Variants in NEBL observed in about 807,000 individuals in gnomAD.
NEBL encodes the protein nebulette.
Under a neutral mutation model 140.2 loss-of-function variants are expected in NEBL, and 122 were observed. That is an observed-to-expected ratio of 0.87 (90% CI 0.75 to 1.01). The LOEUF (loss-of-function observed/expected upper bound fraction) is 1.01. Ranked by LOEUF, NEBL falls within the 50% of genes least tolerant of loss-of-function variation. The pLI, the probability that NEBL is intolerant of heterozygous loss-of-function variation, is 0.00. For missense variants in NEBL, 1,365 were observed against 1,231.3 expected (o/e 1.11, Z -1.62); for synonymous variants, 436 against 398.9 (o/e 1.09, Z -1.11).
At chr10:21,107,518 C>T (rs969576225) in intron 2 of NEBL, among the ~76,000 whole-genome samples, 2 of 152,100 alleles carry the variant, frequency 1.3e-5, no homozygotes, top group African/African-American at 4.8e-5. Flanking sequence ...GGGATGAAGC[C>T]GACTTGATCA....
At chr10:20,786,431 A>C (rs1835414579) in intron 27 of NEBL, among the ~76,000 whole-genome samples, 2 of 152,204 alleles carry the variant, frequency 1.3e-5, no homozygotes, top group Admixed American at 1.3e-4. Context: ...GAAATTTAGC[A>C]TATAAGTGTC....
At chr10:21,041,922 AGCATTCTAAT>A (rs2131832493) in intron 2 of NEBL, among the ~76,000 whole-genome samples, 1 of 152,322 alleles carries the variant, frequency 6.6e-6, no homozygotes, top group Non-Finnish European at 1.5e-5. Flanking sequence ...AGTGTCTTTT[AGCATTCTAAT>A]GCATTATAAT....
chr10:20,852,524 A>T (rs765774768), intron 10 of NEBL, 21 bp downstream of exon 10: 1 of 1,523,790 alleles, frequency 6.6e-7, no homozygotes, highest in Non-Finnish European at 9.1e-7. Flanking sequence ...GAGGGTAGGT[A>T]CCGTACGGGC....
chr10:20,839,420 C>G (rs1040653969), intron 13 of NEBL, among the ~76,000 whole-genome samples: 1 of 152,056 alleles, frequency 6.6e-6, no homozygotes, highest in African/African-American at 2.4e-5. Flanking sequence ...TATGGCTGAC[C>G]AGCATCCATT....
At chr10:21,073,650 A>G (rs923758543) in intron 2 of NEBL, among the ~76,000 whole-genome samples, 5 of 151,434 alleles carry the variant, frequency 3.3e-5, no homozygotes, top group African/African-American at 1.2e-4. Context: ...CTTTATTTCA[A>G]TCATATTACT....
At chr10:21,227,737 T>TCTTCTC (rs1842185668) in intron 3 of NEBL, among the ~76,000 whole-genome samples, 1 of 143,410 alleles carries the variant, frequency 7.0e-6, no homozygotes, top group Non-Finnish European at 1.5e-5. Flanking sequence ...TTCTTCTTCT[T>TCTTCTC]CTTCTTCTTC....
intron 2 of NEBL, among the ~76,000 whole-genome samples, chr10:21,053,624 C>G (rs966634176): frequency 1.3e-5 from 2 of 152,130 alleles, no homozygotes; most frequent in Non-Finnish European, 2.9e-5. Context: ...TTATAATAAT[C>G]CCCAAGAAGT....
chr10:20,960,276 G>A (rs562547094), intron 4 of NEBL, among the ~76,000 whole-genome samples: 23 of 152,160 alleles, frequency 1.5e-4, no homozygotes, highest in Non-Finnish European at 2.6e-4. Context: ...AAATGTAACT[G>A]CCAGTGTAAT....
At chr10:21,161,124 C>T (rs1028248262) in intron 2 of NEBL, among the ~76,000 whole-genome samples, 1 of 152,196 alleles carries the variant, frequency 6.6e-6, no homozygotes, top group African/African-American at 2.4e-5. Context: ...GCATGGCCAG[C>T]AACATCTAGG....
intron 1 of NEBL, among the ~76,000 whole-genome samples, chr10:21,272,854 T>A (rs935920931): frequency 1.1e-4 from 16 of 152,304 alleles, no homozygotes; most frequent in African/African-American, 3.6e-4. Flanking sequence ...TTTTTTGCTT[T>A]ATTGATATTA....
intron 5 of NEBL, among the ~76,000 whole-genome samples, chr10:20,879,973 C>T (rs1845861228): frequency 6.6e-6 from 1 of 152,222 alleles, no homozygotes; most frequent in South Asian, 2.1e-4. Context: ...TGACTGACTT[C>T]CTCCGTTTTG....
intron 3 of NEBL, among the ~76,000 whole-genome samples, chr10:21,237,087 T>A (rs1374759456): frequency 2.0e-5 from 3 of 152,206 alleles, no homozygotes; most frequent in Admixed American, 6.6e-5. Context: ...GTTTTGTAGA[T>A]CCCTCTCTAC....
At chr10:21,025,914 T>C (rs1839009650) in intron 2 of NEBL, among the ~76,000 whole-genome samples, 1 of 152,180 alleles carries the variant, frequency 6.6e-6, no homozygotes, top group Non-Finnish European at 1.5e-5. Flanking sequence ...ACTTATAATA[T>C]TATTATCACT....
chr10:21,060,242 A>G (rs939293578), intron 2 of NEBL, among the ~76,000 whole-genome samples: 1 of 152,204 alleles, frequency 6.6e-6, no homozygotes, highest in African/African-American at 2.4e-5. Context: ...CCCACAGCAC[A>G]TCTGCCTGTA....
chr10:20,967,457 A>G (rs1224562595), intron 3 of NEBL, among the ~76,000 whole-genome samples: 1 of 152,164 alleles, frequency 6.6e-6, no homozygotes, highest in Non-Finnish European at 1.5e-5. Flanking sequence ...GCCAAACCCT[A>G]GCTGTACTCA....
intron 1 of NEBL, among the ~76,000 whole-genome samples, chr10:21,253,209 T>A (rs1842609368): frequency 6.6e-6 from 1 of 152,144 alleles, no homozygotes; most frequent in Admixed American, 6.6e-5. Flanking sequence ...AGGCGAAGGT[T>A]GCAGTGAGCC....
At chr10:20,801,220 T>C (rs1837090918) in intron 26 of NEBL, among the ~76,000 whole-genome samples, 1 of 151,692 alleles carries the variant, frequency 6.6e-6, no homozygotes, top group South Asian at 2.1e-4. Context: ...TTTTATTTTT[T>C]ATTTTCTTTT....
chr10:21,038,536 T>A (rs1834113318), intron 2 of NEBL, among the ~76,000 whole-genome samples: 1 of 152,248 alleles, frequency 6.6e-6, no homozygotes, highest in Non-Finnish European at 1.5e-5. Context: ...GCAAAAGACA[T>A]GAACTCATTC....
At position 21,171,597 on chromosome 10, in the gene NEBL, G is replaced by C. The variant is rs550991103; in HGVS notation, c.164+786C>G. ...GCAATTTCATTACCCGCCACATGGG[G>C]GTAATAATAGTGTCCCCTAACTCGT... On this transcript the variant is annotated intron_variant, in intron 2 of 6. Transcript: ENST00000417816. 4.6e-5 allele frequency: 7 copies of C among 152,294 alleles called. 1 individual carries two copies. The South Asian group carries it at 1.5e-3, about 32-fold the overall frequency. 9.4% of individuals were successfully genotyped at this position (152,294 alleles called of 1,614,324 possible). A position where few individuals can be genotyped will look rare whatever the true frequency, so the allele number is the denominator to read the frequency against.
Sources: allele counts gnomAD v4.1 joint callset (sites outside exome capture counted in the v4.1 genomes callset), GRCh38; gene constraint gnomAD v4.1.1; transcripts MANE v1.5; gene names NCBI Gene and HGNC (gene_info 2026-07-23, HGNC 2026-07-21).